MARCHF1: variants seen among roughly 807,000 people sequenced by gnomAD.
MARCHF1 encodes membrane associated ring-CH-type finger 1, also known as E3 ubiquitin-protein ligase MARCHF1.
MARCHF1 carries 40 observed loss-of-function variants against 54.2 expected under a neutral mutation model. That is an observed-to-expected ratio of 0.74 (90% CI 0.57 to 0.96). MARCHF1 has a LOEUF of 0.96. Among genes scored for constraint, MARCHF1 ranks in the 40% least tolerant of loss-of-function variants. The pLI is 0.00. For synonymous variants in MARCHF1, 236 were observed against 236.3 expected, an observed-to-expected ratio of 1.00 and a Z score of 0.01; for missense variants, 586 against 656.5, an observed-to-expected ratio of 0.89 and a Z score of 1.17.
At position 163,612,892 on chromosome 4, in the gene MARCHF1, T is replaced by C. The variant is rs1317754971; in HGVS notation, c.389A>G (p.His130Arg). 3.3e-6 allele frequency: 5 copies of C among 1,535,554 alleles called. No individual in the cohort carries two copies. The highest frequency in any genetic ancestry group is 1.4e-5 in the African/African-American group (1 of 73,110). The change falls in exon 7 of 10, where the codon CAT (histidine) becomes CGT (arginine). Residue 130 changes from histidine to arginine, a missense_variant. Around this residue, in one of 3 missense-constraint regions of MARCHF1, gnomAD observed 387 missense variants for 394.6 expected, o/e 0.98. Coordinates refer to ENST00000514618, the MANE Select transcript of MARCHF1 (RefSeq NM_001394959.1). ...CCCTCTTATTTGTTCTTCTGCAGCA[T>C]GCTCATATCTCTCAGAGGCTTTTCT... The part of the protein sequence containing the change: ...RRRKASERYE[H>R]AAEEQIRGRK...
At chr4:163,723,153 T>A (rs1745534447) in intron 4 of MARCHF1, among the ~76,000 whole-genome samples, 1 of 152,262 alleles carries the variant, frequency 6.6e-6, no homozygotes. Context: ...GGTTTTGCAC[T>A]GGCTGGTACC....
chr4:163,717,920 A>C (rs1349995610), intron 4 of MARCHF1, among the ~76,000 whole-genome samples: 1 of 152,316 alleles, frequency 6.6e-6, no homozygotes, highest in East Asian at 1.9e-4. Flanking sequence ...GGCTGCAGTA[A>C]CCAAAACAGC....
chr4:163,678,252 G>A (rs143967390), intron 5 of MARCHF1, among the ~76,000 whole-genome samples: 6 of 152,170 alleles, frequency 3.9e-5, no homozygotes, highest in Non-Finnish European at 7.3e-5. Context: ...GGCCTGCCAG[G>A]TTAAAGCAAT....
intron 4 of MARCHF1, among the ~76,000 whole-genome samples, chr4:163,704,179 T>C (rs1744886061): frequency 1.3e-5 from 2 of 151,802 alleles, no homozygotes; most frequent in Admixed American, 1.3e-4. Flanking sequence ...CAGAGACCAC[T>C]AATCTGATAT....
At chr4:164,189,810 G>A in intron 1 of MARCHF1, 1 of 1,586,390 alleles carries the variant, frequency 6.3e-7, no homozygotes, top group Admixed American at 1.7e-5. Flanking sequence ...TCATCTTCTG[G>A]GTACATTTGA....
At chr4:164,249,670 G>T (rs1011510711) in intron 1 of MARCHF1, among the ~76,000 whole-genome samples, 1 of 151,238 alleles carries the variant, frequency 6.6e-6, no homozygotes, top group Non-Finnish European at 1.5e-5. Flanking sequence ...AATTAAGGAA[G>T]AAAGTGCTAG....
At chr4:163,833,869 C>A (rs1467764166) in intron 4 of MARCHF1, among the ~76,000 whole-genome samples, 1 of 152,104 alleles carries the variant, frequency 6.6e-6, no homozygotes, top group Non-Finnish European at 1.5e-5. Flanking sequence ...TAACATCAAT[C>A]AAAGCTTTTC....
chr4:164,118,946 G>GAA (rs56113501), intron 1 of MARCHF1, among the ~76,000 whole-genome samples: 19 of 148,104 alleles, frequency 1.3e-4, no homozygotes, highest in South Asian at 6.5e-4. Flanking sequence ...TAAATTGAAT[G>GAA]AAAAAAATAT....
intron 1 of MARCHF1, among the ~76,000 whole-genome samples, chr4:164,173,328 T>C (rs1348745735): frequency 6.6e-6 from 1 of 152,254 alleles, no homozygotes; most frequent in Middle Eastern, 3.2e-3. Context: ...CCAAAATGCA[T>C]ATTATTATGA....
Position 164,180,810 on chromosome 4 carries a change from G to A in MARCHF1, c.-322-69148C>T, listed in dbSNP as rs141701876. Among the ~76,000 whole-genome samples, 121 of 152,156 alleles carry A rather than the reference G, an allele frequency of 8.0e-4. 1 individual carries two copies. In the East Asian group the frequency reaches 0.013, roughly 16 times the overall value. ...ACCAATGTAGAATTTAGTGTTTAAG[G>A]AGAAAATGCCATTAGAACTGCTACA... On this transcript the variant is annotated intron_variant, in intron 1 of 9. Coordinates refer to ENST00000514618, the MANE Select transcript of MARCHF1 (RefSeq NM_001394959.1).
rs568870811 is a variant in MARCHF1, at chr4:164,101,213, A to C, written c.-248+10375T>G. Among the ~76,000 whole-genome samples, 520 of 152,322 alleles carry C rather than the reference A, an allele frequency of 3.4e-3. 1 individual carries two copies. Among genetic ancestry groups the C allele is most frequent in the Admixed American group, 5.3e-3 (81 of 15,302 alleles). On this transcript the variant is annotated intron_variant, in intron 2 of 9. Coordinates refer to ENST00000514618, the MANE Select transcript of MARCHF1 (RefSeq NM_001394959.1). ...GGGCACCCGCCATTGCCCAGGCTTG[A>C]TTAGGTAAACAAAGCAGCCTGGAAG...
At chr4:164,090,327 A>T (rs1755272091) in intron 2 of MARCHF1, among the ~76,000 whole-genome samples, 1 of 98,548 alleles carries the variant, frequency 1.0e-5, no homozygotes, top group African/African-American at 3.8e-5. Flanking sequence ...AAAGGCTCAA[A>T]AATGTTCTTA....
intron 4 of MARCHF1, among the ~76,000 whole-genome samples, chr4:163,838,466 T>C (rs912689806): frequency 1.3e-5 from 2 of 152,034 alleles, no homozygotes; most frequent in Non-Finnish European, 2.9e-5. Flanking sequence ...TCCACATAAA[T>C]GGAACCCATG....
chr4:163,844,072 A>G (rs1354773788), intron 4 of MARCHF1, among the ~76,000 whole-genome samples: 3 of 151,846 alleles, frequency 2.0e-5, no homozygotes, highest in African/African-American at 7.3e-5. Context: ...ATATTATTTC[A>G]TCACCCAAGT....
At chr4:163,718,077 G>T (rs1364223913) in intron 4 of MARCHF1, among the ~76,000 whole-genome samples, 4 of 152,156 alleles carry the variant, frequency 2.6e-5, no homozygotes. Context: ...AATCAATGGT[G>T]CTGGGAAAAC....
intron 2 of MARCHF1, among the ~76,000 whole-genome samples, chr4:164,082,501 G>C (rs1372193767): frequency 6.6e-6 from 1 of 151,990 alleles, no homozygotes; most frequent in Non-Finnish European, 1.5e-5. Flanking sequence ...AACTTTACAA[G>C]AAATAAAGGA....
intron 4 of MARCHF1, among the ~76,000 whole-genome samples, chr4:163,823,923 G>T (rs1748770696): frequency 6.6e-6 from 1 of 151,716 alleles, no homozygotes; most frequent in Non-Finnish European, 1.5e-5. Context: ...AGAAATTATA[G>T]CCAATTTAGA....
chr4:164,007,737 G>A (rs773022698), intron 2 of MARCHF1, among the ~76,000 whole-genome samples: 3 of 150,190 alleles, frequency 2.0e-5, no homozygotes, highest in East Asian at 2.0e-4. Context: ...AAGATAAGTT[G>A]TCATCTCTTT....
chr4:163,659,664 G>A (rs934078218), intron 5 of MARCHF1, among the ~76,000 whole-genome samples: 2 of 151,740 alleles, frequency 1.3e-5, no homozygotes, highest in African/African-American at 4.8e-5. Flanking sequence ...TCTGACAAAG[G>A]TCTAATATCC....
Sources: gnomAD v4.1 joint callset for allele counts (sites outside exome capture counted in the v4.1 genomes callset) on GRCh38, gnomAD v4.1.1 for gene constraint, gnomAD v4.1.1 regional missense constraint, MANE v1.5 for transcripts, NCBI Gene and HGNC (gene_info 2026-07-23, HGNC 2026-07-21) for gene names.